Variants in RBMX observed in about 807,000 individuals in gnomAD.
RBMX encodes RNA-binding motif protein, X chromosome.
A neutral mutation model predicts 29.3 loss-of-function variants in RBMX; 1 was observed. That is an observed-to-expected ratio of 0.03 (90% CI 0.01 to 0.16). RBMX has a LOEUF of 0.16. RBMX is among the 10% of genes least tolerant of loss of function. RBMX has a pLI of 1.00. For synonymous variants in RBMX, 102 were observed against 102.3 expected (o/e 1.00, Z 0.02); for missense variants, 121 against 333.2 (o/e 0.36, Z 4.96).
downstream of RBMX, chrX:136,870,323 C>CA (rs757259428): frequency 8.0e-5 from 9 of 113,032 alleles, no homozygotes; most frequent in Non-Finnish European, 1.5e-4. Context: ...CCCCTGAAGG[C>CA]AAAATCTATT....
chrX:136,874,209 C>T lies in RBMX; in HGVS notation c.1109G>A (p.Gly370Glu), dbSNP rs758616978. 1.6e-6 allele frequency: 2 copies of T among 1,212,863 alleles called. No homozygotes were observed. Among genetic ancestry groups the T allele is most frequent in the Non-Finnish European group, 2.2e-6 (2 of 895,639 alleles). Residue 370 changes from glycine to glutamate, a missense_variant, in exon 9 of 9, where the codon GGA (glycine) becomes GAA (glutamate). By Grantham distance (98) the Gly-to-Glu change is moderately conservative. This residue lies in a region of RBMX where 114 missense variants were observed against 260.0 expected (regional missense o/e 0.44). Transcript: ENST00000320676. Reference protein sequence around the residue: ...PRDSYSSSSRGAPRGGGRGGS... With the variant: ...PRDSYSSSSREAPRGGGRGGS... ...TCCACGGCCACCACCTCTTGGTGCT[C>T]CGCGGCTTGAACTGCTGTAGGAATC...
rs773369609 is a variant in RBMX at position 136,875,404 on chromosome X, T to C, written c.657-21A>G. The C allele has an allele frequency of 1.1e-5, 13 of 1,205,365 alleles. No homozygotes were observed. The East Asian group carries it at 3.6e-4, about 33-fold the overall frequency. On this transcript the variant is annotated intron_variant, in intron 6 of 8. Coordinates refer to ENST00000320676, the MANE Select transcript of RBMX (RefSeq NM_002139.4). ...AATAGCTACAAAGCAAAAGTTTTGG[T>C]TTATGCTTTTGATAAGCTTTCCTTC...
At chrX:136,875,221 T>G in intron 7 of RBMX, 37 bp downstream of exon 7, 1 of 1,210,919 alleles carries the variant, frequency 8.3e-7, no homozygotes, top group African/African-American at 1.7e-5. Context: ...CATTGCAACT[T>G]TTCTTACATG....
intron 2 of RBMX, 21 bp downstream of exon 2, chrX:136,879,298 C>G (rs1052214575): frequency 3.3e-6 from 4 of 1,204,895 alleles, no homozygotes; most frequent in Non-Finnish European, 4.5e-6. Context: ...ATAGCCCAGC[C>G]TGTACTGCCA....
chrX:136,879,695 T>C (rs1276047000), intron 1 of RBMX, among the ~76,000 whole-genome samples: 1 of 112,016 alleles, frequency 8.9e-6, no homozygotes, highest in Non-Finnish European at 1.9e-5. Flanking sequence ...CTACCCTTGA[T>C]CACCCTTAGC....
rs145862816 is a variant in RBMX at position 136,874,625 on chromosome X, T to C, written c.866-173A>G. 1.5e-3 allele frequency: 801 copies of C among 545,978 alleles called. 6 individuals are homozygous for C. The African/African-American group carries it at 0.017, about 12-fold the overall frequency. 45.0% of individuals were successfully genotyped at this position (545,978 alleles called of 1,213,427 possible). ...AGGGATTTGCTCATCTGCTGAGATA[T>C]GGAATTGGATTCATTTTAATGTTTG... is the stretch of plus-strand genomic sequence containing the variant. On this transcript the variant is annotated intron_variant, in intron 8 of 8. Coordinates refer to ENST00000320676, the MANE Select transcript of RBMX (RefSeq NM_002139.4).
At chrX:136,872,280 T>C (rs2077689983), downstream of RBMX, 1 of 1,160,661 alleles carries the variant, frequency 8.6e-7, no homozygotes, top group Non-Finnish European at 1.2e-6. Context: ...TAGCATTTCT[T>C]ACTGCCAGCT....
rs1441648259 is a variant in RBMX at position 136,873,853 on chromosome X, T to TA, written c.*288dup. The TA allele has an allele frequency of 4.5e-6, 4 of 887,213 alleles. No individual in the cohort carries two copies. The highest frequency in any genetic ancestry group is 2.1e-5 in the African/African-American group (1 of 48,331). 73.1% of individuals were successfully genotyped at this position (887,213 alleles called of 1,213,427 possible). A position where few individuals can be genotyped will look rare whatever the true frequency, so the allele number is the denominator to read the frequency against. On this transcript the variant is annotated 3_prime_UTR_variant, in exon 9 of 9. Coordinates refer to ENST00000320676, the MANE Select transcript of RBMX (RefSeq NM_002139.4). The stretch of plus-strand genomic sequence containing the variant: ...GCCTCATTTGCTGGGAAAAATCAGA[T>TA]AGGAAGTGGCCTTTAGGGGATACTT...
At chrX:136,878,203 T>C (rs2077755108) in intron 3 of RBMX, 117 bp from the exon 4 acceptor site, 3 of 641,235 alleles carry the variant, frequency 4.7e-6, no homozygotes, top group Non-Finnish European at 6.7e-6. Context: ...TGTTGCTCAT[T>C]AGTCTAAGAA....
At chrX:136,875,230 T>TGTAA (rs1301437739) in intron 7 of RBMX, 28 bp downstream of exon 7, 10 of 1,209,465 alleles carry the variant, frequency 8.3e-6, no homozygotes, top group Admixed American at 2.2e-5. Flanking sequence ...TTTTCTTACA[T>TGTAA]GTAAGCCACA....
chrX:136,876,764 G>C, intron 4 of RBMX, 109 bp from the exon 5 acceptor site: 1 of 657,182 alleles, frequency 1.5e-6, no homozygotes, highest in Non-Finnish European at 2.1e-6. Context: ...CTGGAGTGCA[G>C]TGGCTTCATC....
At chrX:136,880,015 G>A (rs1456084650) in intron 1 of RBMX, among the ~76,000 whole-genome samples, 2 of 111,817 alleles carry the variant, frequency 1.8e-5, no homozygotes, top group East Asian at 2.8e-4. Flanking sequence ...AAAACAAATC[G>A]TCAACATCGT....
chrX:136,871,808 G>T (rs1022135890), downstream of RBMX, among the ~76,000 whole-genome samples: 1 of 89,010 alleles, frequency 1.1e-5, no homozygotes, highest in Admixed American at 1.2e-4. Context: ...CACCACGCCC[G>T]GTGTTTTTTT....
chrX:136,874,905 A>G, intron 8 of RBMX, 181 bp downstream of exon 8: 1 of 894,018 alleles, frequency 1.1e-6, no homozygotes, highest in Non-Finnish European at 1.5e-6. Flanking sequence ...CAGCCTCAAA[A>G]GAAACTTAGA....
chrX:136,873,764 G>A lies in RBMX; in HGVS notation c.*378C>T, dbSNP rs2077699556. 7.5e-6 allele frequency: 6 copies of A among 800,726 alleles called. No homozygotes were observed. The highest frequency in any genetic ancestry group is 9.0e-6 in the Non-Finnish European group (6 of 668,589). 66.0% of individuals were successfully genotyped at this position (800,726 alleles called of 1,213,427 possible). A position where few individuals can be genotyped will look rare whatever the true frequency, so the allele number is the denominator to read the frequency against. On this transcript the variant is annotated 3_prime_UTR_variant, in exon 9 of 9. Transcript: ENST00000320676. ...TCTAATAGCTAGCTTGTTTGTATAGGTAGAATGATTCATCTCTCCATTTTA... is the reference window on the plus strand; with the variant it reads ...TCTAATAGCTAGCTTGTTTGTATAGATAGAATGATTCATCTCTCCATTTTA...
At chrX:136,877,369 G>A (rs1483986710) in intron 4 of RBMX, among the ~76,000 whole-genome samples, 1 of 94,416 alleles carries the variant, frequency 1.1e-5, no homozygotes, top group Non-Finnish European at 2.0e-5. Context: ...GATTTGGGTA[G>A]TCTAGTTTCA....
chrX:136,874,654 GA>G, intron 8 of RBMX: 1 of 493,497 alleles, frequency 2.0e-6, no homozygotes, highest in Non-Finnish European at 3.3e-6. Context: ...ATGTTTGTTT[GA>G]AAAGACTGAA....
At chrX:136,872,472 G>T, downstream of RBMX, 1 of 574,235 alleles carries the variant, frequency 1.7e-6, no homozygotes, top group Non-Finnish European at 2.8e-6. Context: ...TATATTTCAT[G>T]TTCTACTATT....
intron 4 of RBMX, among the ~76,000 whole-genome samples, chrX:136,877,480 C>T (rs1441473946): frequency 1.0e-5 from 1 of 97,738 alleles, no homozygotes; most frequent in Non-Finnish European, 2.0e-5. Flanking sequence ...GAGAGGGAGT[C>T]TCGCTGTTCC....
Sources: allele counts gnomAD v4.1 joint callset (sites outside exome capture counted in the v4.1 genomes callset), GRCh38; gene constraint gnomAD v4.1.1; regional missense constraint gnomAD v4.1.1; transcripts MANE v1.5; gene names NCBI Gene and HGNC (gene_info 2026-07-23, HGNC 2026-07-21).